Variants in SYNPR observed in about 807,000 individuals in gnomAD.
SYNPR encodes the protein synaptoporin.
Under a neutral mutation model 32.9 loss-of-function variants are expected in SYNPR, and 23 were observed. The ratio of observed to expected loss-of-function variants is 0.70; its 90% CI spans 0.50 to 0.99. SYNPR has a LOEUF of 0.99. SYNPR is among the 50% of genes least tolerant of loss of function. The pLI is 0.00. For synonymous variants in SYNPR, 146 were observed against 135.9 expected (o/e 1.07, Z -0.52); for missense variants, 318 against 349.3 (o/e 0.91, Z 0.71).
intron 4 of SYNPR, among the ~76,000 whole-genome samples, chr3:63,595,748 T>A (rs61173714): frequency 3.3e-4 from 13 of 39,372 alleles, no homozygotes; most frequent in South Asian, 9.7e-4. Flanking sequence ...TATATATATA[T>A]ATATATATAT....
At chr3:63,445,673 C>A in intron 2 of SYNPR, 2 of 551,302 alleles carry the variant, frequency 3.6e-6, no homozygotes, top group Non-Finnish European at 6.5e-6. Flanking sequence ...ATAACATTAC[C>A]TCTCCATTTT....
At chr3:63,518,293 C>G (rs1701836817) in intron 3 of SYNPR, among the ~76,000 whole-genome samples, 1 of 152,096 alleles carries the variant, frequency 6.6e-6, no homozygotes. Context: ...GTAATACTCT[C>G]TAAAGACTAT....
At chr3:63,279,305 G>A (rs1478858179) in intron 2 of SYNPR, among the ~76,000 whole-genome samples, 1 of 152,152 alleles carries the variant, frequency 6.6e-6, no homozygotes, top group Non-Finnish European at 1.5e-5. Flanking sequence ...ACGGCGGCGG[G>A]TAGAGAGCAG....
chr3:63,489,302 C>T (rs1701213677), intron 3 of SYNPR, among the ~76,000 whole-genome samples: 1 of 152,164 alleles, frequency 6.6e-6, no homozygotes. Flanking sequence ...CAATTGGTCA[C>T]TGGCCAAAAG....
chr3:63,209,470 G>T, the SYNPR span, among the ~76,000 whole-genome samples: 5 of 152,152 alleles, frequency 3.3e-5, no homozygotes, highest in Admixed American at 6.5e-5. Flanking sequence ...TTTCTGAACA[G>T]TCTGGGGGGG....
chr3:63,358,003 G>T (rs1228070232), intron 2 of SYNPR, among the ~76,000 whole-genome samples: 1 of 152,114 alleles, frequency 6.6e-6, no homozygotes, highest in Non-Finnish European at 1.5e-5. Flanking sequence ...AGAATTGAGG[G>T]TTGAGGAGTG....
At chr3:63,527,953 T>C (rs1463924157) in intron 3 of SYNPR, among the ~76,000 whole-genome samples, 2 of 152,182 alleles carry the variant, frequency 1.3e-5, no homozygotes, top group African/African-American at 4.8e-5. Flanking sequence ...CAGAATATTC[T>C]AGGGAGGTCT....
chr3:63,345,942 G>A (rs1490852700), intron 2 of SYNPR, among the ~76,000 whole-genome samples: 2 of 151,928 alleles, frequency 1.3e-5, no homozygotes, highest in Non-Finnish European at 2.9e-5. Context: ...AGCTTCTCAA[G>A]TAGCTGGGAT....
intron 2 of SYNPR, chr3:63,445,703 C>T (rs1700264968): frequency 1.9e-6 from 1 of 528,910 alleles, no homozygotes; most frequent in African/African-American, 1.9e-5. Context: ...AAAATGGAGA[C>T]ATAGGACAAG....
rs374276936 is a variant in SYNPR at position 63,316,029 on chromosome 3, G to A, written c.84+37287G>A. On this transcript the variant is annotated intron_variant, in intron 2 of 5. Coordinates refer to ENST00000478300, the MANE Select transcript of SYNPR (RefSeq NM_001130003.2). The stretch of plus-strand genomic sequence containing the variant: ...TTTTTGTTTTTAATTCTGTTTATGT[G>A]GTGTATCACATTTATTGACTTGCAT... Among the ~76,000 whole-genome samples, 12 of 151,952 alleles carry A rather than the reference G, an allele frequency of 7.9e-5. No individual in the cohort carries two copies. In the East Asian group the frequency reaches 1.5e-3, roughly 20 times the overall value.
intron 2 of SYNPR, among the ~76,000 whole-genome samples, chr3:63,361,418 C>A (rs2087658658): frequency 6.6e-6 from 1 of 151,854 alleles, no homozygotes; most frequent in South Asian, 2.1e-4. Flanking sequence ...CATGGTGAAA[C>A]CCCATCTCTA....
intron 2 of SYNPR, among the ~76,000 whole-genome samples, chr3:63,287,143 T>C (rs142384611): frequency 6.6e-6 from 1 of 152,276 alleles, no homozygotes; most frequent in Non-Finnish European, 1.5e-5. Context: ...CAAACTTTAC[T>C]GGGGAATGTT....
chr3:63,496,271 T>G (rs1701371091), intron 3 of SYNPR, among the ~76,000 whole-genome samples: 1 of 152,112 alleles, frequency 6.6e-6, no homozygotes, highest in South Asian at 2.1e-4. Flanking sequence ...TTTTTATAAT[T>G]TTGATGTAAA....
intron 4 of SYNPR, among the ~76,000 whole-genome samples, chr3:63,567,621 T>C (rs1702814146): frequency 1.3e-5 from 2 of 152,212 alleles, no homozygotes; most frequent in Non-Finnish European, 2.9e-5. Flanking sequence ...GGCACAAAGT[T>C]AGCCCTTTCC....
intron 2 of SYNPR, among the ~76,000 whole-genome samples, chr3:63,380,654 T>A (rs1301115047): frequency 6.6e-6 from 1 of 152,076 alleles, no homozygotes; most frequent in Non-Finnish European, 1.5e-5. Flanking sequence ...AAATTCTCAA[T>A]AAAATACTGG....
At chr3:63,468,084 C>T (rs573255255) in intron 2 of SYNPR, among the ~76,000 whole-genome samples, 6 of 150,068 alleles carry the variant, frequency 4.0e-5, no homozygotes, top group Non-Finnish European at 5.9e-5. Context: ...GTCCCAGCTA[C>T]GTGGGAGGCT....
intron 2 of SYNPR, among the ~76,000 whole-genome samples, chr3:63,363,706 G>T (rs1469090767): frequency 2.0e-5 from 3 of 152,134 alleles, no homozygotes; most frequent in African/African-American, 7.2e-5. Context: ...TACTCATGTG[G>T]TAATTTATTT....
intron 2 of SYNPR, among the ~76,000 whole-genome samples, chr3:63,265,085 G>C (rs1005561652): frequency 6.6e-6 from 1 of 151,994 alleles, no homozygotes; most frequent in African/African-American, 2.4e-5. Flanking sequence ...ATAAAAAACA[G>C]TTTAAAATTC....
At chr3:63,431,149 A>G (rs931738011) in intron 2 of SYNPR, among the ~76,000 whole-genome samples, 2 of 152,194 alleles carry the variant, frequency 1.3e-5, no homozygotes, top group African/African-American at 4.8e-5. Flanking sequence ...TAGTGGACTT[A>G]TGAACTCACT....
Sources: allele counts gnomAD v4.1 joint callset (sites outside exome capture counted in the v4.1 genomes callset), GRCh38; gene constraint gnomAD v4.1.1; transcripts MANE v1.5; gene names NCBI Gene and HGNC (gene_info 2026-07-23, HGNC 2026-07-21).